Variants in LRBA observed in about 807,000 individuals in gnomAD.
LRBA encodes lipopolysaccharide-responsive and beige-like anchor protein.
LRBA carries 176 observed loss-of-function variants against 330.0 expected under a neutral mutation model. The observed-to-expected ratio is 0.53, with a 90% CI of 0.47 to 0.60. The LOEUF is 0.60. Ranked by LOEUF, LRBA falls within the 20% of genes least tolerant of loss-of-function variation. The pLI, the probability that LRBA is intolerant of heterozygous loss-of-function variation, is 0.00. For synonymous variants in LRBA, 1,230 were observed against 1,193.0 expected (o/e 1.03, Z -0.64); for missense variants, 3,259 against 3,444.8 (o/e 0.95, Z 1.35).
intron 2 of LRBA, among the ~76,000 whole-genome samples, chr4:150,948,151 C>T (rs569787003): frequency 3.4e-4 from 52 of 152,042 alleles, no homozygotes; most frequent in South Asian, 6.2e-4. Flanking sequence ...TATGGAAAAG[C>T]AAAGGAACTA....
Position 150,851,874 on chromosome 4 carries a change from T to A in LRBA, c.3825+11A>T. 1 of 1,588,836 alleles carries A rather than the reference T, an allele frequency of 6.3e-7. No individual in the cohort carries two copies. Reference sequence around the variant, plus strand: ...GCAAAAGTACTTGAATAAGACAATATATAAAATCACCTCAAGCACATGTCG... The same window carrying A: ...GCAAAAGTACTTGAATAAGACAATAAATAAAATCACCTCAAGCACATGTCG... On this transcript the variant is annotated intron_variant, in intron 23 of 56. Coordinates refer to ENST00000651943, the MANE Select transcript of LRBA (RefSeq NM_001364905.1).
chr4:150,679,832 A>AT (rs1782893897), intron 37 of LRBA, among the ~76,000 whole-genome samples: 1 of 152,122 alleles, frequency 6.6e-6, no homozygotes, highest in African/African-American at 2.4e-5. Context: ...CTACCTATGC[A>AT]TTTTTTAGAG....
chr4:150,277,313 C>T (rs1182369930), intron 56 of LRBA, among the ~76,000 whole-genome samples: 1 of 152,008 alleles, frequency 6.6e-6, no homozygotes, highest in African/African-American at 2.4e-5. Flanking sequence ...GGAGAAATAC[C>T]TAATGTAGAT....
At chr4:150,732,538 AG>A (rs1481053229) in intron 36 of LRBA, among the ~76,000 whole-genome samples, 1 of 152,088 alleles carries the variant, frequency 6.6e-6, no homozygotes, top group Non-Finnish European at 1.5e-5. Context: ...TAATTTACAT[AG>A]GAATCCTTTT....
chr4:150,271,115 T>A (rs912119840), intron 56 of LRBA, among the ~76,000 whole-genome samples: 1 of 151,938 alleles, frequency 6.6e-6, no homozygotes, highest in African/African-American at 2.4e-5. Context: ...GTCGGGGAAT[T>A]CCCTCCCCCA....
intron 33 of LRBA, among the ~76,000 whole-genome samples, chr4:150,803,147 CAT>C (rs1022149524): frequency 4.2e-4 from 60 of 143,896 alleles, no homozygotes; most frequent in African/African-American, 1.3e-3. Context: ...TCTATATAAA[CAT>C]ATATATTTCT....
intron 36 of LRBA, among the ~76,000 whole-genome samples, chr4:150,728,922 A>C (rs1416969832): frequency 6.6e-6 from 1 of 152,248 alleles, no homozygotes; most frequent in Non-Finnish European, 1.5e-5. Context: ...CTTTATTTGC[A>C]GATGATGTGA....
At chr4:150,950,188 T>C (rs912502607) in intron 2 of LRBA, among the ~76,000 whole-genome samples, 1 of 152,150 alleles carries the variant, frequency 6.6e-6, no homozygotes, top group Non-Finnish European at 1.5e-5. Flanking sequence ...TCTAGCAAAC[T>C]AGTGATTTAT....
At chr4:150,718,522 A>G (rs1422435096) in intron 36 of LRBA, among the ~76,000 whole-genome samples, 1 of 152,128 alleles carries the variant, frequency 6.6e-6, no homozygotes, top group Non-Finnish European at 1.5e-5. Flanking sequence ...TTAGAACATG[A>G]GCATACTTCA....
chr4:150,563,704 A>T (rs1381075583), intron 40 of LRBA, among the ~76,000 whole-genome samples: 1 of 152,226 alleles, frequency 6.6e-6, no homozygotes, highest in African/African-American at 2.4e-5. Flanking sequence ...TACGAAATCA[A>T]TGTGCAAAAA....
rs70937395 is a variant in LRBA, at chr4:150,371,182, A to ATTTTTTTTTTTTTTTTTT, written c.7195-21041_7195-21024dup. ...AAAAGCATGAGCTGCAAGCTACTAA[A>ATTTTTTTTTTTTTTTTTT]TTTTTTTTTTTTTTTTTTTTTTTTT... is the stretch of plus-strand genomic sequence containing the variant. On this transcript the variant is annotated intron_variant, in intron 47 of 56. Transcript: ENST00000651943. Among the ~76,000 whole-genome samples the ATTTTTTTTTTTTTTTTTT allele has an allele frequency of 2.3e-4, 21 of 91,922 alleles. 3 individuals are homozygous for ATTTTTTTTTTTTTTTTTT. The highest frequency in any genetic ancestry group is 9.1e-4 in the African/African-American group (19 of 20,822). The allele number at this position is 91,922 out of a possible 152,430, so 60.3% of individuals were successfully genotyped here. A position where few individuals can be genotyped will look rare whatever the true frequency, so the allele number is the denominator to read the frequency against.
intron 34 of LRBA, among the ~76,000 whole-genome samples, chr4:150,773,392 C>T (rs986566905): frequency 1.3e-5 from 2 of 152,218 alleles, no homozygotes; most frequent in Non-Finnish European, 2.9e-5. Flanking sequence ...TTTGTCACGT[C>T]TATTAGGTGC....
At chr4:150,559,847 AT>A (rs1171459710) in intron 40 of LRBA, among the ~76,000 whole-genome samples, 4 of 28,174 alleles carry the variant, frequency 1.4e-4, no homozygotes, top group African/African-American at 3.0e-4. Context: ...AATATATATA[AT>A]AATATATAAT....
chr4:150,452,637 A>AT (rs1753505146), intron 44 of LRBA, among the ~76,000 whole-genome samples: 2 of 151,714 alleles, frequency 1.3e-5, no homozygotes, highest in South Asian at 2.1e-4. Flanking sequence ...AAAAAAAAAA[A>AT]AAAGAAGGGA....
intron 2 of LRBA, among the ~76,000 whole-genome samples, chr4:150,999,905 T>G (rs1743138005): frequency 6.6e-6 from 1 of 152,196 alleles, no homozygotes; most frequent in African/African-American, 2.4e-5. Flanking sequence ...CCTCTTGATC[T>G]ACAGGGTATA....
chr4:150,503,250 G>A (rs532924459), intron 40 of LRBA, among the ~76,000 whole-genome samples: 9 of 152,320 alleles, frequency 5.9e-5, no homozygotes, highest in South Asian at 4.1e-4. Flanking sequence ...CAGGCAGACC[G>A]CCTCCTCAAG....
At chr4:150,915,870 C>T in intron 7 of LRBA, 143 bp from the exon 8 acceptor site, 1 of 528,410 alleles carries the variant, frequency 1.9e-6, no homozygotes, top group Non-Finnish European at 3.0e-6. Context: ...TCAATATTTA[C>T]TTTCTGGAAC....
At position 150,908,759 on chromosome 4, in the gene LRBA, C is replaced by G; in HGVS notation, c.1260G>C (p.Thr420=). ...GGGCATCTGTAGCCCGTGGATTGTA[C>G]GTGAATGCAATGGCACTAGAGAGTT... ...DGKLSSAIAF[T]YNPRATDAQL... is the part of the protein sequence containing the mutation. The change falls in exon 10 of 57, where the codon ACG becomes ACC. Residue 420 remains threonine, a synonymous_variant. Coordinates refer to ENST00000651943, the MANE Select transcript of LRBA (RefSeq NM_001364905.1). 1.2e-6 allele frequency: 2 copies of G among 1,613,652 alleles called. No individual in the cohort carries two copies. The highest frequency in any genetic ancestry group is 1.7e-6 in the Non-Finnish European group (2 of 1,179,630).
intron 47 of LRBA, among the ~76,000 whole-genome samples, chr4:150,354,564 C>T (rs961381129): frequency 5.3e-5 from 8 of 152,078 alleles, no homozygotes; most frequent in African/African-American, 1.9e-4. Context: ...TAATATTCAA[C>T]TCATCTGAGT....
Sources: gnomAD v4.1 joint callset for allele counts (sites outside exome capture counted in the v4.1 genomes callset) on GRCh38, gnomAD v4.1.1 for gene constraint, MANE v1.5 for transcripts, NCBI Gene and HGNC (gene_info 2026-07-23, HGNC 2026-07-21) for gene names.